ACTN4: variants seen among roughly 807,000 people sequenced by gnomAD.
ACTN4 encodes actinin alpha 4.
Under a neutral mutation model 114.2 loss-of-function variants are expected in ACTN4, and 18 were observed. The ratio of observed to expected loss-of-function variants is 0.16; its 90% CI spans 0.11 to 0.23. The LOEUF (loss-of-function observed/expected upper bound fraction) is 0.23, where lower values mean the gene tolerates loss of function less well. ACTN4 is among the 10% of genes least tolerant of loss of function. ACTN4 has a pLI of 1.00. For synonymous variants in ACTN4, 515 were observed against 506.3 expected (o/e 1.02, Z -0.23); for missense variants, 722 against 1,262.9 (o/e 0.57, Z 6.49).
rs756003995 is a variant in ACTN4, at chr19:38,717,101, C to T, written c.928C>T (p.Arg310Trp). 5.0e-5 allele frequency: 80 copies of T among 1,613,464 alleles called. No homozygotes were observed. The highest frequency in any genetic ancestry group is 2.3e-4 in the African/African-American group (17 of 74,932). ...KLASDLLEWI[R>W]RTIPWLEDRV... ...TGGCCCACAGCTCCTGGAGTGGATC[C>T]GGCGCACCATCCCCTGGCTGGAGGA... Residue 310 changes from arginine (R) to tryptophan (W), a missense_variant, in exon 10 of 21, where the codon CGG becomes TGG. Around this residue, in one of 3 missense-constraint regions of ACTN4, gnomAD observed 523 missense variants for 875.9 expected, o/e 0.60. Transcript: ENST00000252699. This position sits in a 1 kb window ranked among gnomAD's most constrained non-coding sequence, Gnocchi z 4.0.
At chr19:38,663,645 C>T (rs1003201077) in intron 1 of ACTN4, among the ~76,000 whole-genome samples, 14 of 152,214 alleles carry the variant, frequency 9.2e-5, no homozygotes, top group Admixed American at 5.2e-4. Flanking sequence ...GGCGTGCAAT[C>T]GAACATTTCT....
chr19:38,650,864 T>G (rs1976541497), intron 1 of ACTN4, among the ~76,000 whole-genome samples: 1 of 152,162 alleles, frequency 6.6e-6, no homozygotes, highest in Non-Finnish European at 1.5e-5. Flanking sequence ...GCCTCCCGAG[T>G]AGCTGGGAAT....
At chr19:38,692,182 T>G (rs985414342) in intron 1 of ACTN4, among the ~76,000 whole-genome samples, 1 of 152,208 alleles carries the variant, frequency 6.6e-6, no homozygotes, top group African/African-American at 2.4e-5. Context: ...GCATTCCATA[T>G]TTCACTGTAA....
intron 1 of ACTN4, among the ~76,000 whole-genome samples, chr19:38,655,996 G>C (rs765820473): frequency 2.8e-4 from 42 of 152,124 alleles, no homozygotes; most frequent in African/African-American, 9.6e-4. Context: ...CAGTATTTTC[G>C]ATCCATTGTT....
rs1969042132 is a variant in ACTN4, at chr19:38,721,554, G to A, written c.1308G>A (p.Leu436=). 15 of 1,613,998 alleles carry A rather than the reference G, an allele frequency of 9.3e-6. No individual in the cohort carries two copies. Among genetic ancestry groups the A allele is most frequent in the Non-Finnish European group, 1.2e-5 (14 of 1,180,038 alleles). The change falls in exon 12 of 21, where the codon CTG becomes CTA. Residue 436 remains leucine, a synonymous_variant. Coordinates refer to ENST00000252699, the MANE Select transcript of ACTN4 (RefSeq NM_004924.6). ...EAWTDGKEAM[L]KHRDYETATL... ...TCCTACCAGGGAAGGAAGCCATGCT[G>A]AAGCACCGGGACTACGAGACGGCCA...
chr19:38,685,287 A>T (rs1453064682), intron 1 of ACTN4, among the ~76,000 whole-genome samples: 1 of 152,156 alleles, frequency 6.6e-6, no homozygotes, highest in African/African-American at 2.4e-5. Context: ...AGTGCTTGGG[A>T]GCCAACACCC....
intron 1 of ACTN4, among the ~76,000 whole-genome samples, chr19:38,653,211 G>T (rs753093291): frequency 6.6e-6 from 1 of 152,136 alleles, no homozygotes. Context: ...GCCAGACAGC[G>T]CCCTTTTTCA....
chr19:38,689,101 G>C (rs1967838958), intron 1 of ACTN4, among the ~76,000 whole-genome samples: 1 of 152,048 alleles, frequency 6.6e-6, no homozygotes, highest in East Asian at 1.9e-4. Context: ...CAAGGCAGTT[G>C]AAAACATGTC....
intron 1 of ACTN4, among the ~76,000 whole-genome samples, chr19:38,698,282 C>T (rs148022627): frequency 4.9e-4 from 74 of 152,260 alleles, no homozygotes; most frequent in Non-Finnish European, 9.3e-4. Context: ...TTCATCCCCA[C>T]GTTGCAGAGG....
intron 1 of ACTN4, among the ~76,000 whole-genome samples, chr19:38,671,512 G>A (rs552104967): frequency 3.7e-4 from 56 of 152,294 alleles, no homozygotes; most frequent in African/African-American, 1.3e-3. Context: ...GGAAGATACT[G>A]GCAGTCCAGG....
chr19:38,676,193 C>T (rs1265498247), intron 1 of ACTN4, among the ~76,000 whole-genome samples: 1 of 152,116 alleles, frequency 6.6e-6, no homozygotes, highest in Non-Finnish European at 1.5e-5. Context: ...AGAACTAATG[C>T]CATAGAGATG....
rs908841174 is a variant in ACTN4 at position 38,724,086 on chromosome 19, C to A, written c.1692+9C>A. 2.5e-6 allele frequency: 4 copies of A among 1,613,476 alleles called. No homozygotes were observed. The Admixed American group carries it at 5.0e-5, about 20-fold the overall frequency. The stretch of plus-strand genomic sequence containing the variant: ...CCATCGAGGAGATTGAGGTTCGCAC[C>A]CCCCGGCCCCCCATCTTCCCAAGAG... On this transcript the variant is annotated intron_variant, in intron 14 of 20. Coordinates refer to ENST00000252699, the MANE Select transcript of ACTN4 (RefSeq NM_004924.6). The surrounding 1 kb of genome is among the most constrained non-coding windows in gnomAD (Gnocchi z 7.0).
chr19:38,668,710 A>G (rs1320913790), intron 1 of ACTN4, among the ~76,000 whole-genome samples: 2 of 151,242 alleles, frequency 1.3e-5, no homozygotes, highest in African/African-American at 4.8e-5. Flanking sequence ...AAAAAAAGAA[A>G]AGATGGACAA....
chr19:38,686,920 G>T (rs984460337), intron 1 of ACTN4, among the ~76,000 whole-genome samples: 10 of 151,418 alleles, frequency 6.6e-5, no homozygotes, highest in Non-Finnish European at 1.3e-4. Context: ...GTTTCTTTTA[G>T]CTCCAAGCAT....
chr19:38,704,172 G>A (rs1968376995), intron 3 of ACTN4, among the ~76,000 whole-genome samples: 1 of 152,214 alleles, frequency 6.6e-6, no homozygotes, highest in Admixed American at 6.5e-5. Flanking sequence ...CTAGCAAGAT[G>A]TTGTGGCATG....
chr19:38,698,407 T>TA (rs1187176003), intron 1 of ACTN4, among the ~76,000 whole-genome samples: 1 of 152,074 alleles, frequency 6.6e-6, no homozygotes, highest in Non-Finnish European at 1.5e-5. Flanking sequence ...GAAGGTGAGT[T>TA]AGTACTCTCC....
intron 9 of ACTN4, among the ~76,000 whole-genome samples, chr19:38,715,102 C>G (rs1332013810): frequency 6.6e-6 from 1 of 152,224 alleles, no homozygotes; most frequent in Non-Finnish European, 1.5e-5. Context: ...TTCACCCAGG[C>G]AGCCCTGCTC....
intron 1 of ACTN4, among the ~76,000 whole-genome samples, chr19:38,684,508 G>A (rs890914052): frequency 3.3e-5 from 5 of 152,188 alleles, no homozygotes; most frequent in Admixed American, 3.3e-4. Flanking sequence ...CCTGAGAGCA[G>A]CAGGGGCCCC....
chr19:38,653,184 A>G (rs2144823255), intron 1 of ACTN4, among the ~76,000 whole-genome samples: 1 of 152,116 alleles, frequency 6.6e-6, no homozygotes, highest in East Asian at 1.9e-4. Context: ...CATATGCTCC[A>G]GTCATGGCAG....
Sources: allele counts gnomAD v4.1 joint callset (sites outside exome capture counted in the v4.1 genomes callset), GRCh38; gene constraint gnomAD v4.1.1; regional missense constraint gnomAD v4.1.1; non-coding constraint Gnocchi (gnomAD v3.1); transcripts MANE v1.5; gene names NCBI Gene and HGNC (gene_info 2026-07-23, HGNC 2026-07-21).